PRLR: variants seen among roughly 807,000 people sequenced by gnomAD.
The protein encoded by PRLR is hPRL receptor.
In PRLR, 13 loss-of-function variants were observed where a neutral mutation model predicts 40.2. The observed-to-expected ratio is 0.32, with a 90% confidence interval of 0.21 to 0.51. The LOEUF (loss-of-function observed/expected upper bound fraction) is 0.51, where lower values mean the gene tolerates loss of function less well. Among genes scored for constraint, PRLR ranks in the 20% least tolerant of loss-of-function variants. PRLR has a pLI of 0.97. For missense variants in PRLR, 656 were observed against 747.3 expected, an observed-to-expected ratio of 0.88 and a Z score of 1.42; for synonymous variants, 269 against 278.7, an observed-to-expected ratio of 0.97 and a Z score of 0.35.
intron 1 of PRLR, among the ~76,000 whole-genome samples, chr5:35,149,292 CT>C (rs751949181): frequency 1.3e-5 from 2 of 152,082 alleles, no homozygotes; most frequent in Non-Finnish European, 2.9e-5. Flanking sequence ...ATCTTTATTT[CT>C]TCTGACTCAG....
intron 5 of PRLR, 135 bp downstream of exon 5, chr5:35,084,335 G>C (rs1770708557): frequency 2.3e-6 from 2 of 865,526 alleles, no homozygotes; most frequent in Admixed American, 2.9e-5. Flanking sequence ...CTGTTCTGTT[G>C]ACAAGCATAT....
chr5:35,154,187 T>C (rs1411812731), intron 1 of PRLR, among the ~76,000 whole-genome samples: 1 of 152,160 alleles, frequency 6.6e-6, no homozygotes, highest in East Asian at 1.9e-4. Context: ...TATAGAACTG[T>C]CAAGCTCAAA....
chr5:35,130,109 G>C (rs1773615154), intron 1 of PRLR: 1 of 152,152 alleles, frequency 6.6e-6, no homozygotes, highest in East Asian at 1.9e-4. Context: ...GCACCAACCT[G>C]TTTGCTGATT....
At chr5:35,159,848 G>A (rs1053884030) in intron 1 of PRLR, among the ~76,000 whole-genome samples, 3 of 152,136 alleles carry the variant, frequency 2.0e-5, no homozygotes, top group African/African-American at 7.2e-5. Context: ...GGCTGGGTCC[G>A]CATTTGTCAG....
intron 2 of PRLR, among the ~76,000 whole-genome samples, chr5:35,100,495 T>A (rs990646999): frequency 2.0e-5 from 3 of 152,286 alleles, no homozygotes; most frequent in Non-Finnish European, 4.4e-5. Context: ...CTTTCCTATG[T>A]TTAGATACAC....
intron 1 of PRLR, among the ~76,000 whole-genome samples, chr5:35,156,728 C>G (rs7736203): frequency 0.012 from 1,876 of 152,270 alleles, 40 homozygotes; most frequent in African/African-American, 0.043. Context: ...GTTATCATGT[C>G]TGCAAGTCCT....
Position 35,065,818 on chromosome 5 carries a change from A to G in PRLR, c.1140T>C (p.Ile380=). The change falls in exon 10 of 10, where the codon ATT becomes ATC. Residue 380 remains isoleucine, a synonymous_variant. Transcript: ENST00000618457. ...TTGTTTCAGGATTCTCTGGCTTCTC[A>G]ATGACCTCAGGATCATAGAATGTGG... ...NPSTFYDPEV[I]EKPENPETTH... The G allele has an allele frequency of 1.2e-6, 2 of 1,614,072 alleles. No homozygotes were observed. The highest frequency in any genetic ancestry group is 2.2e-5 in the South Asian group (2 of 91,082).
intron 1 of PRLR, among the ~76,000 whole-genome samples, chr5:35,229,108 A>T (rs1290037556): frequency 6.8e-6 from 1 of 147,850 alleles, no homozygotes; most frequent in Admixed American, 6.8e-5. Context: ...AAACATTTAT[A>T]TATATATTAT....
chr5:35,200,823 A>G (rs2111606154), intron 1 of PRLR, among the ~76,000 whole-genome samples: 1 of 152,298 alleles, frequency 6.6e-6, no homozygotes, highest in African/African-American at 2.4e-5. Context: ...TAAATATCCA[A>G]CAGTTTAAAG....
At chr5:35,107,338 C>A (rs927714412) in intron 2 of PRLR, among the ~76,000 whole-genome samples, 5 of 152,180 alleles carry the variant, frequency 3.3e-5, no homozygotes, top group Middle Eastern at 6.8e-3. Flanking sequence ...AGAGCAAACA[C>A]ATTCAAAAGC....
At chr5:35,087,961 G>A (rs1335891251) in intron 3 of PRLR, among the ~76,000 whole-genome samples, 2 of 152,170 alleles carry the variant, frequency 1.3e-5, no homozygotes, top group Non-Finnish European at 2.9e-5. Context: ...CAGCACCTCC[G>A]GGGGTTCTCT....
chr5:35,139,377 C>T (rs552890035), intron 1 of PRLR, among the ~76,000 whole-genome samples: 4 of 152,138 alleles, frequency 2.6e-5, no homozygotes, highest in Non-Finnish European at 4.4e-5. Context: ...CTCAGCCTCC[C>T]AAAGTGCTGG....
At chr5:35,159,751 A>G (rs989062221) in intron 1 of PRLR, among the ~76,000 whole-genome samples, 4 of 152,176 alleles carry the variant, frequency 2.6e-5, no homozygotes, top group African/African-American at 9.7e-5. Flanking sequence ...AGCTATGTTA[A>G]CAAGCAAAAT....
Position 35,059,028 on chromosome 5 carries a change from T to C in PRLR, c.*6061A>G, listed in dbSNP as rs930538217. On this transcript the variant is annotated 3_prime_UTR_variant, in exon 10 of 10. Coordinates refer to ENST00000618457, the MANE Select transcript of PRLR (RefSeq NM_000949.7). ...TTTCAGCGGTATCTTCGCCATATAG[T>C]TTTTCAGATAACGTGGAAAAAAGAT... 1.3e-5 allele frequency: 2 copies of C among 152,174 alleles called. No individual in the cohort carries two copies. The highest frequency in any genetic ancestry group is 4.8e-5 in the African/African-American group (2 of 41,440). 9.4% of individuals were successfully genotyped at this position (152,174 alleles called of 1,614,324 possible).
chr5:35,211,143 T>G (rs1776158025), intron 1 of PRLR, among the ~76,000 whole-genome samples: 1 of 152,220 alleles, frequency 6.6e-6, no homozygotes, highest in South Asian at 2.1e-4. Context: ...AATTACGGAA[T>G]GCATTTGTAG....
intron 1 of PRLR, among the ~76,000 whole-genome samples, chr5:35,120,303 AG>A (rs1215609161): frequency 5.3e-5 from 8 of 152,120 alleles, no homozygotes; most frequent in Non-Finnish European, 1.2e-4. Flanking sequence ...TTATGCAGAT[AG>A]GGGGGTGACA....
At chr5:35,085,321 C>T (rs1770779193) in intron 4 of PRLR, among the ~76,000 whole-genome samples, 1 of 152,176 alleles carries the variant, frequency 6.6e-6, no homozygotes, top group South Asian at 2.1e-4. Context: ...CTTTGGATTT[C>T]AGCCGGGATG....
At position 35,147,358 on chromosome 5, in the gene PRLR, G is replaced by A. The variant is rs554146946; in HGVS notation, c.-105-29236C>T. The stretch of plus-strand genomic sequence containing the variant: ...CATGAAATGCCTTCTCAGATTCACA[G>A]AGGTCTGCTATATTTCCATCTCAAG... On this transcript the variant is annotated intron_variant, in intron 1 of 9. Coordinates refer to ENST00000618457, the MANE Select transcript of PRLR (RefSeq NM_000949.7). 1.9e-4 allele frequency among the ~76,000 whole-genome samples: 29 copies of A among 152,196 alleles called. No homozygotes were observed. The South Asian group carries it at 5.8e-3, about 30-fold the overall frequency.
At chr5:35,091,800 C>T (rs537351682) in intron 2 of PRLR, among the ~76,000 whole-genome samples, 4 of 152,280 alleles carry the variant, frequency 2.6e-5, no homozygotes, top group Non-Finnish European at 5.9e-5. Flanking sequence ...TACATATAGC[C>T]CCAAATAGTT....
Sources: gnomAD v4.1 joint callset for allele counts (sites outside exome capture counted in the v4.1 genomes callset) on GRCh38, gnomAD v4.1.1 for gene constraint, MANE v1.5 for transcripts, NCBI Gene and HGNC (gene_info 2026-07-23, HGNC 2026-07-21) for gene names.